TBC1D24: variants seen among roughly 807,000 people sequenced by gnomAD.
TBC1D24 encodes the protein Infantile myoclonic epilepsy.
TBC1D24 carries 47 observed loss-of-function variants against 50.7 expected under a neutral mutation model. That is an observed-to-expected ratio of 0.93 (90% CI 0.73 to 1.18). The LOEUF is 1.18. TBC1D24 is among the 50% of genes most tolerant of loss of function. TBC1D24 has a pLI of 0.00. For synonymous variants in TBC1D24, 324 were observed against 335.2 expected, an observed-to-expected ratio of 0.97 and a Z score of 0.36; for missense variants, 688 against 766.5, an observed-to-expected ratio of 0.90 and a Z score of 1.21.
At position 2,482,550 on chromosome 16, in the gene TBC1D24, G is replaced by A. The variant is rs73490267; in HGVS notation, c.-116+7380G>A. On this transcript the variant is annotated intron_variant, in intron 1 of 7. Transcript: ENST00000646147. The surrounding 1 kb of genome is among the most constrained non-coding windows in gnomAD (Gnocchi z 5.2). ...GCCAGGGCTCCGGAAGCTGTTGTCCGAGGGGCAGGGAGGGGCTGGGTCCTG... is the reference window on the plus strand; with the variant it reads ...GCCAGGGCTCCGGAAGCTGTTGTCCAAGGGGCAGGGAGGGGCTGGGTCCTG... Among the ~76,000 whole-genome samples the A allele has an allele frequency of 1.9e-3, 283 of 152,282 alleles. No homozygotes were observed. Among genetic ancestry groups the A allele is most frequent in the African/African-American group, 5.7e-3 (239 of 41,572 alleles).
At position 2,486,600 on chromosome 16, in the gene TBC1D24, G is replaced by A. The variant is rs1044865892; in HGVS notation, c.-115-9434G>A. 6.6e-6 allele frequency among the ~76,000 whole-genome samples: 1 copy of A among 152,234 alleles called. No homozygotes were observed. The highest frequency in any genetic ancestry group is 2.4e-5 in the African/African-American group (1 of 41,466). The stretch of plus-strand genomic sequence containing the variant: ...CCTAGCGAACACTGACCTACGTTGG[G>A]ACAGGGCTGCCTCTTGCCCAGGGGG... On this transcript the variant is annotated intron_variant, in intron 1 of 7. Coordinates refer to ENST00000646147, the MANE Select transcript of TBC1D24 (RefSeq NM_001199107.2). The surrounding 1 kb of genome is among the most constrained non-coding windows in gnomAD (Gnocchi z 5.8).
chr16:2,488,980 G>A (rs1446729828), intron 1 of TBC1D24, among the ~76,000 whole-genome samples: 1 of 150,028 alleles, frequency 6.7e-6, no homozygotes, highest in Non-Finnish European at 1.5e-5. Context: ...TGAGGCAGAA[G>A]AATCACTTGA....
chr16:2,497,884 C>T (rs1476164506), intron 3 of TBC1D24, among the ~76,000 whole-genome samples, 157 bp downstream of exon 3: 1 of 152,096 alleles, frequency 6.6e-6, no homozygotes, highest in Non-Finnish European at 1.5e-5. Flanking sequence ...TTCTGTCTGT[C>T]TGTCTGCCTG....
chr16:2,499,832 C>A lies in TBC1D24; in HGVS notation c.1207-3C>A, dbSNP rs1476504594. On this transcript the variant is annotated splice_polypyrimidine_tract_variant and splice_region_variant and intron_variant, in intron 5 of 7. Coordinates refer to ENST00000646147, the MANE Select transcript of TBC1D24 (RefSeq NM_001199107.2). The surrounding 1 kb of genome is among the most constrained non-coding windows in gnomAD (Gnocchi z 4.0). ...CACAGCCTCACCCAGACCTTTCCCC[C>A]AGGTGTGTGGTGCTTACCTGTCCAC... The A allele has an allele frequency of 1.2e-6, 2 of 1,613,808 alleles. No homozygotes were observed. Among genetic ancestry groups the A allele is most frequent in the African/African-American group, 2.7e-5 (2 of 75,028 alleles).
intron 1 of TBC1D24, chr16:2,484,934 G>A (rs2065637613): frequency 1.3e-5 from 2 of 152,454 alleles, no homozygotes; most frequent in Non-Finnish European, 2.9e-5. Flanking sequence ...CCAGCCGGAG[G>A]AGGCGTCATC....
At chr16:2,493,312 T>C (rs1436358053) in intron 1 of TBC1D24, among the ~76,000 whole-genome samples, 1 of 151,860 alleles carries the variant, frequency 6.6e-6, no homozygotes, top group Non-Finnish European at 1.5e-5. Flanking sequence ...CTAGTTTTTT[T>C]GTATTTTTAG....
chr16:2,492,004 A>G (rs778178189), intron 1 of TBC1D24, among the ~76,000 whole-genome samples: 10 of 149,042 alleles, frequency 6.7e-5, no homozygotes, highest in Non-Finnish European at 1.2e-4. Flanking sequence ...AGGCCTGGCC[A>G]TTTTTTTTTA....
chr16:2,496,907 G>A lies in TBC1D24; in HGVS notation c.759G>A (p.Lys253=), dbSNP rs190306450. 1.8e-5 allele frequency: 29 copies of A among 1,614,106 alleles called. No homozygotes were observed. The African/African-American group carries it at 3.1e-4, about 17-fold the overall frequency. ...VALAILKFFH[K]VRAGQPLESD... ...TGGCCATCCTCAAGTTCTTCCACAA[G>A]GTGAGGGCCGGGCAGCCGCTGGAGT... The change falls in exon 2 of 8, where the codon AAG becomes AAA. Residue 253 remains lysine (K), a synonymous_variant. Transcript: ENST00000646147.
chr16:2,501,141 GCTTC>G lies in TBC1D24; in HGVS notation c.*185_*188del. On this transcript the variant is annotated 3_prime_UTR_variant, in exon 8 of 8. Transcript: ENST00000646147. Reference sequence around the variant, plus strand: ...TGCCTCTACCTGGGGTTTGGGCTGGGCTTCCCCAGTCCACCTGCATCTGGGTCAG... The same window carrying G: ...TGCCTCTACCTGGGGTTTGGGCTGGGCCCAGTCCACCTGCATCTGGGTCAG... The G allele has an allele frequency of 1.3e-6, 1 of 747,210 alleles. No individual in the cohort carries two copies. Among genetic ancestry groups the G allele is most frequent in the Non-Finnish European group, 2.1e-6 (1 of 465,778 alleles). 46.3% of individuals were successfully genotyped at this position (747,210 alleles called of 1,614,324 possible).
At position 2,500,764 on chromosome 16, in the gene TBC1D24, A is replaced by T. The variant is rs1435527266; in HGVS notation, c.1526-40A>T. ...AGGTGAGGTGCCTGGGTCAGTGCTG[A>T]TAGGGCAGTCAGGCCGCCACTGACC... On this transcript the variant is annotated intron_variant, in intron 7 of 7. Transcript: ENST00000646147. The surrounding 1 kb of genome is among the most constrained non-coding windows in gnomAD (Gnocchi z 8.0). 6.3e-7 allele frequency: 1 copy of T among 1,579,950 alleles called. No individual in the cohort carries two copies. The highest frequency in any genetic ancestry group is 1.1e-5 in the South Asian group (1 of 88,568).
At chr16:2,480,202 C>G (rs1400392748) in intron 1 of TBC1D24, 1 of 152,248 alleles carries the variant, frequency 6.6e-6, no homozygotes, top group South Asian at 2.1e-4. Context: ...GCAGTCACGG[C>G]TCACTGCAGC....
Position 2,485,830 on chromosome 16 carries a change from C to T in TBC1D24, c.-115-10204C>T, listed in dbSNP as rs1014890186. On this transcript the variant is annotated intron_variant, in intron 1 of 7. Transcript: ENST00000646147. This position sits in a 1 kb window ranked among gnomAD's most constrained non-coding sequence, Gnocchi z 4.6. The stretch of plus-strand genomic sequence containing the variant: ...GTGCTGGCGTCAGAGCAGAGGAAAA[C>T]GTGGTATGAGAGTTTTTCCAAAGAG... 1.1e-4 allele frequency among the ~76,000 whole-genome samples: 17 copies of T among 152,194 alleles called. No individual in the cohort carries two copies. Among genetic ancestry groups the T allele is most frequent in the African/African-American group, 3.9e-4 (16 of 41,442 alleles).
rs1168919348 is a variant in TBC1D24 at position 2,486,289 on chromosome 16, C to G, written c.-115-9745C>G. 1.3e-5 allele frequency among the ~76,000 whole-genome samples: 2 copies of G among 152,228 alleles called. No homozygotes were observed. Among genetic ancestry groups the G allele is most frequent in the Non-Finnish European group, 2.9e-5 (2 of 68,040 alleles). ...AGCTGCGGGCGTTGGCGTTCCCCAC[C>G]CATGGGGCCCGGCCTCATTTCCTCT... On this transcript the variant is annotated intron_variant, in intron 1 of 7. Coordinates refer to ENST00000646147, the MANE Select transcript of TBC1D24 (RefSeq NM_001199107.2). The surrounding 1 kb of genome is among the most constrained non-coding windows in gnomAD (Gnocchi z 5.8).
intron 1 of TBC1D24, among the ~76,000 whole-genome samples, chr16:2,490,508 CT>C (rs2065687008): frequency 6.6e-6 from 1 of 152,214 alleles, no homozygotes. Context: ...TCACAGGGCC[CT>C]GCTGGCACTG....
chr16:2,500,738 C>A lies in TBC1D24; in HGVS notation c.1526-66C>A. 6.5e-7 allele frequency: 1 copy of A among 1,541,846 alleles called. No individual in the cohort carries two copies. The highest frequency in any genetic ancestry group is 8.7e-7 in the Non-Finnish European group (1 of 1,147,434). On this transcript the variant is annotated intron_variant, in intron 7 of 7. Transcript: ENST00000646147. This position sits in a 1 kb window ranked among gnomAD's most constrained non-coding sequence, Gnocchi z 8.0. ...GTGCAGGGCAGGACAGCTGGGACAG[C>A]AGGTGAGGTGCCTGGGTCAGTGCTG...
At chr16:2,480,555 C>G (rs1441339033) in intron 1 of TBC1D24, 1 of 151,962 alleles carries the variant, frequency 6.6e-6, no homozygotes, top group Non-Finnish European at 1.5e-5. Context: ...TAATTGGGTG[C>G]CACACACCGA....
intron 1 of TBC1D24, among the ~76,000 whole-genome samples, chr16:2,494,255 T>G (rs1219684930): frequency 8.6e-5 from 13 of 151,744 alleles, no homozygotes; most frequent in Non-Finnish European, 7.4e-5. Context: ...CTACTAAAAA[T>G]ACAAAAACTG....
At chr16:2,476,726 G>C (rs1033177176) in intron 1 of TBC1D24, 1 of 152,274 alleles carries the variant, frequency 6.6e-6, no homozygotes, top group Admixed American at 6.5e-5. Context: ...TTTTGTCGGA[G>C]TGATAGATGT....
At position 2,503,558 on chromosome 16, in the gene TBC1D24, A is replaced by G. The variant is rs943501946; in HGVS notation, c.*2600A>G. The G allele has an allele frequency of 1.4e-5, 2 of 146,834 alleles. No homozygotes were observed. The highest frequency in any genetic ancestry group is 4.9e-5 in the African/African-American group (2 of 40,986). 9.1% of individuals were successfully genotyped at this position (146,834 alleles called of 1,614,324 possible). ...ATTTGTTTTTAGAAACATTCAAAGA[A>G]TTATTTTTTGATTTTTTTTTTTTTT... is the stretch of plus-strand genomic sequence containing the variant. On this transcript the variant is annotated 3_prime_UTR_variant, in exon 8 of 8. Coordinates refer to ENST00000646147, the MANE Select transcript of TBC1D24 (RefSeq NM_001199107.2).
Sources: gnomAD v4.1 joint callset for allele counts (sites outside exome capture counted in the v4.1 genomes callset) on GRCh38, gnomAD v4.1.1 for gene constraint, Gnocchi (gnomAD v3.1) non-coding constraint, MANE v1.5 for transcripts, NCBI Gene and HGNC (gene_info 2026-07-23, HGNC 2026-07-21) for gene names.